CSMD1: variants seen among roughly 807,000 people sequenced by gnomAD.
The protein encoded by CSMD1 is CUB and sushi domain-containing protein 1.
Under a neutral mutation model 417.5 loss-of-function variants are expected in CSMD1, and 213 were observed. The observed-to-expected ratio is 0.51, with a 90% CI of 0.46 to 0.57. The LOEUF is 0.57. CSMD1 is among the 20% of genes least tolerant of loss of function. The pLI, the probability that CSMD1 is intolerant of heterozygous loss-of-function variation, is 0.00. For missense variants in CSMD1, 6,923 were observed against 4,529.7 expected, an observed-to-expected ratio of 1.53 and a Z score of -15.17; for synonymous variants, 2,862 against 1,736.8, an observed-to-expected ratio of 1.65 and a Z score of -16.11.
At chr8:4,127,839 G>A (rs1585374917) in intron 3 of CSMD1, among the ~76,000 whole-genome samples, 1 of 152,018 alleles carries the variant, frequency 6.6e-6, no homozygotes, top group African/African-American at 2.4e-5. Context: ...TATTATTATT[G>A]TTACTGTTTT....
intron 3 of CSMD1, among the ~76,000 whole-genome samples, chr8:4,237,052 TAAC>T (rs1402548931): frequency 2.0e-5 from 3 of 152,192 alleles, no homozygotes; most frequent in Non-Finnish European, 4.4e-5. Context: ...CATGGACAGA[TAAC>T]AACCTCCTTA....
At chr8:2,988,348 T>C (rs1040000009) in intron 54 of CSMD1, among the ~76,000 whole-genome samples, 6 of 151,154 alleles carry the variant, frequency 4.0e-5, no homozygotes, top group Admixed American at 6.6e-5. Context: ...TATAAAATTA[T>C]GAAAGAAAAG....
intron 2 of CSMD1, among the ~76,000 whole-genome samples, chr8:4,584,515 C>T (rs1220992143): frequency 1.4e-5 from 2 of 140,360 alleles, no homozygotes; most frequent in Non-Finnish European, 2.9e-5. Context: ...CTCTAACAAC[C>T]CCCAACTCTT....
At chr8:3,324,165 GGGGA>G (rs1806349863) in intron 23 of CSMD1, among the ~76,000 whole-genome samples, 4 of 120,286 alleles carry the variant, frequency 3.3e-5, no homozygotes, top group African/African-American at 1.5e-4. Context: ...GACTCGGGAG[GGGGA>G]GTTTCCTTCA....
intron 3 of CSMD1, among the ~76,000 whole-genome samples, chr8:4,405,629 G>A (rs375227520): frequency 6.6e-6 from 1 of 152,146 alleles, no homozygotes; most frequent in Non-Finnish European, 1.5e-5. Context: ...AGAAAAACAA[G>A]GTTTTGCTTG....
intron 49 of CSMD1, among the ~76,000 whole-genome samples, chr8:3,059,148 A>G (rs947915236): frequency 1.3e-5 from 2 of 151,962 alleles, no homozygotes; most frequent in Admixed American, 1.3e-4. Context: ...CCATCCCATC[A>G]AAGCGTATTT....
intron 3 of CSMD1, among the ~76,000 whole-genome samples, chr8:4,117,375 C>G (rs1473017541): frequency 6.6e-6 from 1 of 151,164 alleles, no homozygotes; most frequent in Non-Finnish European, 1.5e-5. Flanking sequence ...CACCGGGACA[C>G]CAGGCAAAGG....
intron 2 of CSMD1, among the ~76,000 whole-genome samples, chr8:4,609,452 G>A (rs1464124828): frequency 2.0e-5 from 3 of 152,160 alleles, no homozygotes; most frequent in African/African-American, 7.2e-5. Flanking sequence ...TTCCTAGCTG[G>A]GGTATTTTGT....
chr8:4,404,354 G>A (rs545816948), intron 3 of CSMD1, among the ~76,000 whole-genome samples: 24 of 152,094 alleles, frequency 1.6e-4, no homozygotes, highest in Admixed American at 3.9e-4. Context: ...ACCCATGAGC[G>A]CAGGGATTTT....
At chr8:3,104,535 AT>A (rs1815988333) in intron 46 of CSMD1, among the ~76,000 whole-genome samples, 2 of 151,730 alleles carry the variant, frequency 1.3e-5, no homozygotes, top group African/African-American at 4.8e-5. Flanking sequence ...CAATGTTAAT[AT>A]TTTTTCAAAA....
chr8:4,354,220 T>G (rs150530331), intron 3 of CSMD1, among the ~76,000 whole-genome samples: 1 of 152,290 alleles, frequency 6.6e-6, no homozygotes, highest in East Asian at 1.9e-4. Context: ...ACCCTGAGCC[T>G]TCCGATATTT....
chr8:4,496,852 G>T (rs1802003314), intron 2 of CSMD1, among the ~76,000 whole-genome samples: 1 of 152,124 alleles, frequency 6.6e-6, no homozygotes, highest in South Asian at 2.1e-4. Flanking sequence ...TTCACAGAAG[G>T]TTTACAATAT....
chr8:3,635,646 G>C (rs1239843523), intron 7 of CSMD1, among the ~76,000 whole-genome samples: 1 of 150,972 alleles, frequency 6.6e-6, no homozygotes, highest in Non-Finnish European at 1.5e-5. Context: ...ACCATGCCTG[G>C]CTATTTTTTG....
intron 3 of CSMD1, among the ~76,000 whole-genome samples, chr8:4,334,400 C>A (rs141937627): frequency 6.6e-6 from 1 of 152,102 alleles, no homozygotes; most frequent in Non-Finnish European, 1.5e-5. Flanking sequence ...CTGAGGGGAA[C>A]TTTAAGAGCA....
intron 5 of CSMD1, among the ~76,000 whole-genome samples, chr8:3,789,145 T>A (rs1232604583): frequency 6.6e-6 from 1 of 152,144 alleles, no homozygotes; most frequent in Admixed American, 6.5e-5. Flanking sequence ...TTTAGAGCAA[T>A]GCCCCAGAGA....
chr8:4,921,833 A>C (rs1806518248), intron 1 of CSMD1, among the ~76,000 whole-genome samples: 1 of 152,202 alleles, frequency 6.6e-6, no homozygotes, highest in South Asian at 2.1e-4. Flanking sequence ...ATAAAAGTTC[A>C]AGGGAACGTT....
Position 4,187,131 on chromosome 8 carries a change from G to C in CSMD1, c.416-155032C>G, listed in dbSNP as rs528917375. 1.2e-3 allele frequency among the ~76,000 whole-genome samples: 150 copies of C among 124,398 alleles called. 1 individual carries two copies. In the South Asian group the frequency reaches 0.019, roughly 16 times the overall value. The allele number at this position is 124,398 out of a possible 152,430, so 81.6% of individuals were successfully genotyped here. A position where few individuals can be genotyped will look rare whatever the true frequency, so the allele number is the denominator to read the frequency against. ...AAGAATTTCACCAAGTCTCCACTCT[G>C]TTAAAACATATTGATTTACTGCTTG... On this transcript the variant is annotated intron_variant, in intron 3 of 69. Transcript: ENST00000635120.
chr8:4,275,252 G>T (rs968313669), intron 3 of CSMD1, among the ~76,000 whole-genome samples: 4 of 152,084 alleles, frequency 2.6e-5, no homozygotes, highest in East Asian at 1.9e-4. Context: ...AAATATGGGC[G>T]AAATGAAAGC....
intron 2 of CSMD1, among the ~76,000 whole-genome samples, chr8:4,464,862 T>A (rs1800065583): frequency 6.6e-6 from 1 of 152,090 alleles, no homozygotes; most frequent in Non-Finnish European, 1.5e-5. Context: ...CCTGCTGTGT[T>A]AGTTTTATTA....
Sources: gnomAD v4.1 joint callset for allele counts (sites outside exome capture counted in the v4.1 genomes callset) on GRCh38, gnomAD v4.1.1 for gene constraint, MANE v1.5 for transcripts, NCBI Gene and HGNC (gene_info 2026-07-23, HGNC 2026-07-21) for gene names.